Variants in DNAH12 observed in about 807,000 individuals in gnomAD.
DNAH12 encodes the protein axonemal beta dynein heavy chain 12.
Under a neutral mutation model 371.5 loss-of-function variants are expected in DNAH12, and 285 were observed. The ratio of observed to expected loss-of-function variants is 0.77; its 90% CI spans 0.70 to 0.85. The LOEUF is 0.85. Among genes scored for constraint, DNAH12 ranks in the 40% least tolerant of loss-of-function variants. DNAH12 has a pLI of 0.00. For missense variants in DNAH12, 3,611 were observed against 3,689.4 expected (o/e 0.98, Z 0.55); for synonymous variants, 1,200 against 1,213.0 (o/e 0.99, Z 0.22).
intron 2 of DNAH12, among the ~76,000 whole-genome samples, chr3:57,526,589 C>T (rs967853347): frequency 3.6e-5 from 5 of 139,360 alleles, no homozygotes; most frequent in Admixed American, 7.7e-5. Flanking sequence ...AGTGTGGTGG[C>T]GTGATCTCAG....
At chr3:57,488,127 T>C (rs1360409634) in intron 12 of DNAH12, among the ~76,000 whole-genome samples, 1 of 152,198 alleles carries the variant, frequency 6.6e-6, no homozygotes, top group Non-Finnish European at 1.5e-5. Flanking sequence ...CTAGATATTT[T>C]ACAAATGTTA....
intron 58 of DNAH12, among the ~76,000 whole-genome samples, chr3:57,362,539 A>G (rs1201758392): frequency 6.6e-6 from 1 of 152,098 alleles, no homozygotes; most frequent in East Asian, 1.9e-4. Context: ...TTGTTTCCTG[A>G]CTTTTTAATG....
chr3:57,376,151 G>T (rs2063276266), intron 53 of DNAH12, among the ~76,000 whole-genome samples, 186 bp from the exon 54 acceptor site: 1 of 151,668 alleles, frequency 6.6e-6, no homozygotes, highest in Non-Finnish European at 1.5e-5. Flanking sequence ...TCTATATTAT[G>T]TGAATGACAA....
chr3:57,345,391 A>G (rs1553657716), intron 60 of DNAH12, among the ~76,000 whole-genome samples: 2 of 152,186 alleles, frequency 1.3e-5, no homozygotes, highest in Admixed American at 1.3e-4. Context: ...CATAATGTAT[A>G]CAAAGAATTA....
intron 11 of DNAH12, among the ~76,000 whole-genome samples, chr3:57,492,573 C>A (rs2067165665): frequency 6.6e-6 from 1 of 152,090 alleles, no homozygotes; most frequent in Non-Finnish European, 1.5e-5. Flanking sequence ...TATAGTATAT[C>A]AGAAACTGAC....
At chr3:57,434,371 C>T (rs528782968) in intron 30 of DNAH12, among the ~76,000 whole-genome samples, 7 of 152,238 alleles carry the variant, frequency 4.6e-5, no homozygotes, top group South Asian at 2.1e-4. Flanking sequence ...CTAGCATGGC[C>T]GTGACCCACA....
At position 57,388,352 on chromosome 3, in the gene DNAH12, C is replaced by T. The variant is rs2063537371; in HGVS notation, c.7306-1133G>A. On this transcript the variant is annotated intron_variant, in intron 45 of 73. Transcript: ENST00000495027. ...TACCAATACATGGCATATCATTAAT[C>T]TTTATTTGTTCACTAGAGTATTTTC... Among the ~76,000 whole-genome samples the T allele has an allele frequency of 1.3e-5, 2 of 152,166 alleles. 1 individual carries two copies. The highest frequency in any genetic ancestry group is 4.1e-4 in the South Asian group (2 of 4,826).
intron 59 of DNAH12, among the ~76,000 whole-genome samples, chr3:57,352,466 C>T (rs1446028596): frequency 2.0e-5 from 3 of 151,884 alleles, no homozygotes; most frequent in African/African-American, 2.4e-5. Context: ...ATGAAGGGTA[C>T]GTGAAACCTC....
chr3:57,525,756 C>CTTTTTTTTTTTT lies in DNAH12; in HGVS notation c.171-1884_171-1873dup, dbSNP rs776184662. On this transcript the variant is annotated intron_variant, in intron 2 of 73. Coordinates refer to ENST00000495027, the MANE Select transcript of DNAH12 (RefSeq NM_001366028.2). ...ATGCTAGCAAATAGTATGTCTTATT[C>CTTTTTTTTTTTT]TTTTTTTTTTTTTTTTTTTTTTTTG... is the stretch of plus-strand genomic sequence containing the variant. 1.6e-4 allele frequency among the ~76,000 whole-genome samples: 12 copies of CTTTTTTTTTTTT among 76,272 alleles called. 1 individual carries two copies. The highest frequency in any genetic ancestry group is 9.4e-4 in the East Asian group (2 of 2,138). The allele number at this position is 76,272 out of a possible 152,430, so 50.0% of individuals were successfully genotyped here.
In DNAH12 at chr3:57,429,761, C is replaced by T; in HGVS notation, c.4994G>A (p.Ser1665Asn). The change falls in exon 33 of 74, where the codon AGT becomes AAT. Residue 1665 changes from serine to asparagine, a missense_variant. By Grantham distance (46) the Ser-to-Asn change is conservative (BLOSUM62 1). Around this residue, in one of 3 missense-constraint regions of DNAH12, gnomAD observed 2,266 missense variants for 2,236.9 expected, o/e 1.01. Transcript: ENST00000495027. ...LDDNKKLCLMSGEIIQMSPQM... is the reference protein window; with the variant it reads ...LDDNKKLCLMNGEIIQMSPQM... ...GGGGGACATCTGAATGATTTCTCCA[C>T]TCATAAGGCAAAGCTAAAAGCAATT... is the stretch of plus-strand genomic sequence containing the variant. The T allele has an allele frequency of 6.6e-7, 1 of 1,513,454 alleles. No homozygotes were observed. The highest frequency in any genetic ancestry group is 8.8e-7 in the Non-Finnish European group (1 of 1,135,632). 93.8% of individuals were successfully genotyped at this position (1,513,454 alleles called of 1,614,324 possible).
intron 56 of DNAH12, 110 bp downstream of exon 56, chr3:57,367,936 G>T (rs2063087040): frequency 6.6e-6 from 1 of 152,304 alleles, no homozygotes; most frequent in South Asian, 2.1e-4. Context: ...TGAGCCAGAA[G>T]TTCTGCATTA....
At chr3:57,450,115 G>A (rs1192442647) in intron 25 of DNAH12, among the ~76,000 whole-genome samples, 1 of 152,190 alleles carries the variant, frequency 6.6e-6, no homozygotes, top group Admixed American at 6.5e-5. Flanking sequence ...AGGTACAGTG[G>A]CACATGCCTG....
chr3:57,523,449 G>T, intron 4 of DNAH12, 134 bp downstream of exon 4: 1 of 705,776 alleles, frequency 1.4e-6, no homozygotes. Flanking sequence ...CCCTTGGGAA[G>T]AGAAAATAAA....
At chr3:57,315,408 T>C (rs1028100608) in intron 65 of DNAH12, among the ~76,000 whole-genome samples, 14 of 150,168 alleles carry the variant, frequency 9.3e-5, no homozygotes, top group African/African-American at 3.4e-4. Context: ...CAAAGCATAT[T>C]TTAAACATAC....
chr3:57,430,321 T>C (rs2064918544), intron 32 of DNAH12, among the ~76,000 whole-genome samples: 1 of 152,166 alleles, frequency 6.6e-6, no homozygotes, highest in Non-Finnish European at 1.5e-5. Flanking sequence ...AAAATAAGTA[T>C]ATTTTCTATG....
rs75108998 is a variant in DNAH12, at chr3:57,436,821, G to A, written c.4655+130C>T. On this transcript the variant is annotated intron_variant, in intron 30 of 73. Transcript: ENST00000495027. Reference sequence around the variant, plus strand: ...ACCTTTGCCTTTTAAGCCACTGGGGGGCCAGGGGGCGGGCGGGGGTTGCTC... The same window carrying A: ...ACCTTTGCCTTTTAAGCCACTGGGGAGCCAGGGGGCGGGCGGGGGTTGCTC... 4,084 of 586,680 alleles carry A rather than the reference G, an allele frequency of 7.0e-3. 138 individuals carry two copies. In the African/African-American group the frequency reaches 0.07, roughly 10 times the overall value. 36.3% of individuals were successfully genotyped at this position (586,680 alleles called of 1,614,324 possible).
At chr3:57,508,628 T>C (rs760610251) in intron 6 of DNAH12, 88 bp from the exon 7 acceptor site, 5 of 1,437,034 alleles carry the variant, frequency 3.5e-6, no homozygotes, top group Non-Finnish European at 4.6e-6. Context: ...AAATTAGTAT[T>C]GAAGTGAGAA....
chr3:57,516,051 G>GTTTTTTTTT (rs1400729891), intron 4 of DNAH12, among the ~76,000 whole-genome samples: 1 of 60,220 alleles, frequency 1.7e-5, no homozygotes, highest in African/African-American at 6.7e-5. Context: ...GTACTGCTTA[G>GTTTTTTTTT]TCTTTTTTTT....
chr3:57,520,113 C>A, intron 4 of DNAH12: 1 of 478,904 alleles, frequency 2.1e-6, no homozygotes, highest in Non-Finnish European at 3.8e-6. Context: ...TACCTATTTT[C>A]TTTTCCTTTC....
Sources: gnomAD v4.1 joint callset for allele counts (sites outside exome capture counted in the v4.1 genomes callset) on GRCh38, gnomAD v4.1.1 for gene constraint, gnomAD v4.1.1 regional missense constraint, MANE v1.5 for transcripts, NCBI Gene and HGNC (gene_info 2026-07-23, HGNC 2026-07-21) for gene names.